NELL1: variants seen among roughly 807,000 people sequenced by gnomAD.
NELL1 encodes the protein protein kinase C-binding protein NELL1.
In NELL1, 76 loss-of-function variants were observed where a neutral mutation model predicts 107.4. That is an observed-to-expected ratio of 0.71 (90% CI 0.59 to 0.86). The LOEUF (loss-of-function observed/expected upper bound fraction) is 0.86. Ranked by LOEUF, NELL1 falls within the 40% of genes least tolerant of loss-of-function variation. The pLI is 0.00. For synonymous variants in NELL1, 353 were observed against 341.2 expected (o/e 1.03, Z -0.38); for missense variants, 1,024 against 1,005.5 (o/e 1.02, Z -0.25).
At chr11:21,102,669 A>G (rs1346097993) in intron 12 of NELL1, among the ~76,000 whole-genome samples, 1 of 152,204 alleles carries the variant, frequency 6.6e-6, no homozygotes, top group African/African-American at 2.4e-5. Flanking sequence ...CTTTCACTTA[A>G]AAAATGACTT....
intron 13 of NELL1, among the ~76,000 whole-genome samples, chr11:21,182,642 A>C (rs559186077): frequency 1.7e-4 from 24 of 144,914 alleles, no homozygotes; most frequent in Non-Finnish European, 3.2e-4. Context: ...CCTTTTCAGG[A>C]AGCAGCTACC....
At chr11:21,045,605 T>C (rs752758671) in intron 12 of NELL1, among the ~76,000 whole-genome samples, 7 of 152,188 alleles carry the variant, frequency 4.6e-5, no homozygotes, top group Admixed American at 2.0e-4. Flanking sequence ...ACCTGTTTAA[T>C]GTACTTAATT....
At chr11:21,002,335 A>G (rs576580267) in intron 12 of NELL1, among the ~76,000 whole-genome samples, 1 of 78,758 alleles carries the variant, frequency 1.3e-5, no homozygotes, top group Non-Finnish European at 2.3e-5. Flanking sequence ...GTCTGTGCAG[A>G]TATTTGGACA....
intron 14 of NELL1, among the ~76,000 whole-genome samples, chr11:21,303,573 G>A (rs1448090596): frequency 6.6e-6 from 1 of 152,028 alleles, no homozygotes; most frequent in Admixed American, 6.6e-5. Context: ...ATGTAAATTA[G>A]TACAACCTCT....
intron 12 of NELL1, among the ~76,000 whole-genome samples, chr11:20,991,990 G>GTAAAA (rs769434874): frequency 6.3e-4 from 42 of 66,232 alleles, no homozygotes; most frequent in South Asian, 1.3e-3. Flanking sequence ...AGTGTAGCAT[G>GTAAAA]CAAAAAAAAA....
intron 13 of NELL1, among the ~76,000 whole-genome samples, chr11:21,186,296 G>A (rs1856934408): frequency 6.6e-6 from 1 of 151,826 alleles, no homozygotes; most frequent in African/African-American, 2.4e-5. Context: ...GCAGTTCCCT[G>A]TAAGGGACCT....
intron 12 of NELL1, among the ~76,000 whole-genome samples, chr11:20,970,233 G>A (rs535812131): frequency 1.3e-5 from 2 of 152,234 alleles, no homozygotes; most frequent in East Asian, 3.9e-4. Flanking sequence ...TTGTCTAGGT[G>A]AGTGGCAGCT....
At chr11:21,218,603 A>G (rs1374420241) in intron 13 of NELL1, among the ~76,000 whole-genome samples, 1 of 152,132 alleles carries the variant, frequency 6.6e-6, no homozygotes, top group African/African-American at 2.4e-5. Flanking sequence ...CTTTAGCTAT[A>G]ATTTTCTGTC....
chr11:21,139,640 G>C (rs746905731), intron 13 of NELL1, among the ~76,000 whole-genome samples: 4 of 152,172 alleles, frequency 2.6e-5, no homozygotes, highest in Non-Finnish European at 5.9e-5. Context: ...CACTAGAATG[G>C]TGCCTGGTAC....
chr11:21,404,368 A>G (rs1852183474), intron 15 of NELL1, among the ~76,000 whole-genome samples: 1 of 151,926 alleles, frequency 6.6e-6, no homozygotes, highest in South Asian at 2.1e-4. Context: ...GGGGCAGACT[A>G]ATACAGTTCA....
At chr11:21,442,062 C>T (rs987415422) in intron 15 of NELL1, among the ~76,000 whole-genome samples, 4 of 152,080 alleles carry the variant, frequency 2.6e-5, no homozygotes, top group African/African-American at 9.7e-5. Context: ...CCTAAGTCAT[C>T]AAAAAATATT....
intron 15 of NELL1, among the ~76,000 whole-genome samples, chr11:21,526,467 C>T (rs905405214): frequency 6.6e-6 from 1 of 152,212 alleles, no homozygotes; most frequent in Non-Finnish European, 1.5e-5. Flanking sequence ...CCTCTTCTCA[C>T]AGCTAGCTCT....
Position 21,404,011 on chromosome 11 carries a change from C to CT in NELL1, c.1645+33063_1645+33064insT, listed in dbSNP as rs959950967. Among the ~76,000 whole-genome samples the CT allele has an allele frequency of 1.9e-4, 21 of 109,482 alleles. 1 individual carries two copies. Among genetic ancestry groups the CT allele is most frequent in the African/African-American group, 6.7e-4 (20 of 29,830 alleles). 71.8% of individuals were successfully genotyped at this position (109,482 alleles called of 152,430 possible). On this transcript the variant is annotated intron_variant, in intron 15 of 19. Transcript: ENST00000357134. The stretch of plus-strand genomic sequence containing the variant: ...ATATCTCTGTCATTCCTGAACCCCC[C>CT]CCCCCGCAATCAAAACCACTGGATA...
At chr11:21,461,599 C>T (rs1384133676) in intron 15 of NELL1, among the ~76,000 whole-genome samples, 2 of 152,062 alleles carry the variant, frequency 1.3e-5, no homozygotes, top group African/African-American at 4.8e-5. Flanking sequence ...AAGTTCTGTA[C>T]TATAGACTTT....
intron 12 of NELL1, among the ~76,000 whole-genome samples, chr11:21,014,207 G>A (rs1446621013): frequency 6.6e-6 from 1 of 152,056 alleles, no homozygotes; most frequent in East Asian, 1.9e-4. Flanking sequence ...AGTAGGGGTG[G>A]CCTGCACTCT....
At chr11:21,039,964 T>G (rs1516763) in intron 12 of NELL1, among the ~76,000 whole-genome samples, 143,478 of 152,216 alleles carry the variant, frequency 0.94, 68,181 homozygotes, top group East Asian at 1. Context: ...ATTGTATAAT[T>G]TAACTTTTTT....
chr11:20,918,262 G>A lies in NELL1; in HGVS notation c.676+8G>A. ...GTCCAAATCTAAATCACAGTAAGTA[G>A]CAACTTAAAGCATTGTGATATATTA... On this transcript the variant is annotated splice_region_variant and intron_variant, in intron 6 of 19. Transcript: ENST00000357134. The A allele has an allele frequency of 2.1e-6, 3 of 1,463,286 alleles. No individual in the cohort carries two copies. The highest frequency in any genetic ancestry group is 2.9e-6 in the Non-Finnish European group (3 of 1,044,386). The allele number at this position is 1,463,286 out of a possible 1,614,324, so 90.6% of individuals were successfully genotyped here.
At chr11:21,308,058 T>C (rs1849646499) in intron 14 of NELL1, among the ~76,000 whole-genome samples, 3 of 152,028 alleles carry the variant, frequency 2.0e-5, no homozygotes, top group Admixed American at 1.3e-4. Context: ...CACATAGCTC[T>C]AGGTTGGAAC....
chr11:20,901,291 G>A (rs990802085), intron 5 of NELL1, among the ~76,000 whole-genome samples: 1 of 152,064 alleles, frequency 6.6e-6, no homozygotes, highest in Non-Finnish European at 1.5e-5. Context: ...AGCAAAAGCA[G>A]CACAGTGGCA....
Sources: gnomAD v4.1 joint callset for allele counts (sites outside exome capture counted in the v4.1 genomes callset) on GRCh38, gnomAD v4.1.1 for gene constraint, MANE v1.5 for transcripts, NCBI Gene and HGNC (gene_info 2026-07-23, HGNC 2026-07-21) for gene names.